Variants in SMG1 observed in about 807,000 individuals in gnomAD.
SMG1 encodes the protein serine/threonine-protein kinase SMG1.
SMG1 carries 22 observed loss-of-function variants against 419.9 expected under a neutral mutation model. The observed-to-expected ratio is 0.05, with a 90% CI of 0.04 to 0.07. SMG1 has a LOEUF of 0.07. SMG1 is among the 10% of genes least tolerant of loss of function. SMG1 has a pLI of 1.00. For synonymous variants in SMG1, 1,538 were observed against 1,553.5 expected, an observed-to-expected ratio of 0.99 and a Z score of 0.23; for missense variants, 3,185 against 4,342.0, an observed-to-expected ratio of 0.73 and a Z score of 7.49.
intron 6 of SMG1, among the ~76,000 whole-genome samples, 158 bp downstream of exon 6, chr16:18,889,214 T>C (rs1290061747): frequency 3.3e-5 from 5 of 151,970 alleles, no homozygotes; most frequent in African/African-American, 9.7e-5. Flanking sequence ...AGTGTATCCT[T>C]TACTCAAACT....
chr16:18,856,333 T>C (rs2034903960), intron 29 of SMG1: 2 of 83,100 alleles, frequency 2.4e-5, no homozygotes, highest in Non-Finnish European at 5.0e-5. Context: ...CAGGTGATTT[T>C]TTTTTTTTTT....
intron 8 of SMG1, among the ~76,000 whole-genome samples, chr16:18,884,553 G>A (rs1281076239): frequency 1.3e-5 from 2 of 152,094 alleles, no homozygotes; most frequent in South Asian, 2.1e-4. Flanking sequence ...AATGAAACAG[G>A]CCACTATCAC....
intron 56 of SMG1, among the ~76,000 whole-genome samples, chr16:18,818,071 G>A (rs543475081): frequency 1.7e-5 from 2 of 118,354 alleles, no homozygotes; most frequent in Non-Finnish European, 3.4e-5. Flanking sequence ...GTGCCACCAT[G>A]CCTAGCTAAA....
intron 51 of SMG1, among the ~76,000 whole-genome samples, chr16:18,832,406 A>C (rs1470092069): frequency 2.0e-5 from 3 of 152,224 alleles, no homozygotes; most frequent in Non-Finnish European, 4.4e-5. Flanking sequence ...AACTAATTTA[A>C]AAGTATTCAC....
chr16:18,849,116 C>T, intron 36 of SMG1, 101 bp downstream of exon 36: 2 of 284,436 alleles, frequency 7.0e-6, no homozygotes, highest in Non-Finnish European at 1.2e-5. Context: ...ACCCTACAAA[C>T]TCTAACAACT....
intron 60 of SMG1, among the ~76,000 whole-genome samples, chr16:18,812,861 T>A (rs1484567253): frequency 6.6e-6 from 1 of 152,076 alleles, no homozygotes; most frequent in Non-Finnish European, 1.5e-5. Flanking sequence ...GATGTTCCCC[T>A]TCCTGTGTCC....
chr16:18,898,714 A>C (rs934391123), intron 1 of SMG1, among the ~76,000 whole-genome samples: 10 of 152,316 alleles, frequency 6.6e-5, no homozygotes, highest in Admixed American at 2.0e-4. Flanking sequence ...ACAAAGATAA[A>C]TGGAGTCTGC....
rs1439358551 is a variant in SMG1 at position 18,815,167 on chromosome 16, TCTC to T, written c.10621+5_10621+7del. On this transcript the variant is annotated splice_donor_5th_base_variant and intron_variant, in intron 60 of 62. Transcript: ENST00000446231. ...ACAACAGATCAAGACTCAGGACTCT[TCTC>T]CTACCTGCAGCGAAGGATGGCTGAT... 1 of 1,557,870 alleles carries T rather than the reference TCTC, an allele frequency of 6.4e-7. No homozygotes were observed. The highest frequency in any genetic ancestry group is 8.7e-7 in the Non-Finnish European group (1 of 1,143,912).
chr16:18,816,363 A>G lies in SMG1; in HGVS notation c.10241T>C (p.Val3414Ala), dbSNP rs185146271. The G allele has an allele frequency of 2.4e-5, 39 of 1,613,970 alleles. No individual in the cohort carries two copies. The Admixed American group carries it at 6.0e-4, about 25-fold the overall frequency. ...AAGCTGTCGGTTATGACCAGTGAGC[A>G]CAGTCTTTATATTATCAACCAGATT... ...IQNLVDNIKT[V>A]LTGHNRQLGD... is the part of the protein sequence containing the mutation. The change falls in exon 58 of 63, where the codon GTG (valine) becomes GCG (alanine). Residue 3414 changes from valine to alanine, a missense_variant. This residue lies in a region of SMG1 where 737 missense variants were observed against 846.6 expected (regional missense o/e 0.87). Coordinates refer to ENST00000446231, the MANE Select transcript of SMG1 (RefSeq NM_015092.5).
chr16:18,820,783 A>G (rs2032458814), intron 55 of SMG1, among the ~76,000 whole-genome samples: 1 of 152,168 alleles, frequency 6.6e-6, no homozygotes, highest in Non-Finnish European at 1.5e-5. Flanking sequence ...CTTCATTAAA[A>G]AACTTTTAAA....
In SMG1 at chr16:18,837,245, T is replaced by C. The variant is rs2141266206; in HGVS notation, c.7604+8A>G. On this transcript the variant is annotated splice_region_variant and intron_variant, in intron 46 of 62. Coordinates refer to ENST00000446231, the MANE Select transcript of SMG1 (RefSeq NM_015092.5). ...ACATATTTAGAAGAATTCAACACTGTTTTAAACCTGTGTTGCAGAGTATGA... is the reference window on the plus strand; with the variant it reads ...ACATATTTAGAAGAATTCAACACTGCTTTAAACCTGTGTTGCAGAGTATGA... 1 of 1,607,770 alleles carries C rather than the reference T, an allele frequency of 6.2e-7. No individual in the cohort carries two copies. Among genetic ancestry groups the C allele is most frequent in the Middle Eastern group, 1.7e-4 (1 of 6,034 alleles).
chr16:18,830,101 T>C lies in SMG1; in HGVS notation c.8958A>G (p.Glu2986=), dbSNP rs1241474186. Residue 2986 remains glutamate (E), a synonymous_variant, in exon 53 of 63, where the codon GAA becomes GAG. Transcript: ENST00000446231. ...SLLVEKLNKM[E]IPIAWRKIDI... ...CAATCTTTCGCCAAGCTATGGGAAT[T>C]TCCATCTTGTTCAACTATGTAAATG... 5 of 1,602,248 alleles carry C rather than the reference T, an allele frequency of 3.1e-6. No homozygotes were observed. The highest frequency in any genetic ancestry group is 4.3e-6 in the Non-Finnish European group (5 of 1,174,192).
intron 1 of SMG1, among the ~76,000 whole-genome samples, chr16:18,914,753 G>A (rs2037907769): frequency 6.6e-6 from 1 of 152,090 alleles, no homozygotes; most frequent in African/African-American, 2.4e-5. Flanking sequence ...CAAGAAGTGT[G>A]TTTCCCCAGG....
intron 12 of SMG1, among the ~76,000 whole-genome samples, chr16:18,876,925 G>A (rs141299443): frequency 0.012 from 1,881 of 152,098 alleles, 47 homozygotes; most frequent in African/African-American, 0.043. Context: ...TGCATAGTCT[G>A]AAAAGAGTAT....
chr16:18,841,553 G>A lies in SMG1; in HGVS notation c.6696+12C>T. ...GAATAGACTAATACACTGTGTAGAT[G>A]ATTTAATCAACCTTTTGTGCTTGTA... On this transcript the variant is annotated intron_variant, in intron 41 of 62. Coordinates refer to ENST00000446231, the MANE Select transcript of SMG1 (RefSeq NM_015092.5). The A allele has an allele frequency of 1.2e-6, 2 of 1,607,568 alleles. No individual in the cohort carries two copies. The highest frequency in any genetic ancestry group is 1.7e-6 in the Non-Finnish European group (2 of 1,175,090).
At chr16:18,920,814 T>C (rs1341037925) in intron 1 of SMG1, among the ~76,000 whole-genome samples, 1 of 151,650 alleles carries the variant, frequency 6.6e-6, no homozygotes, top group African/African-American at 2.4e-5. Flanking sequence ...CACTCCAACC[T>C]GAGCAATGGA....
intron 62 of SMG1, among the ~76,000 whole-genome samples, chr16:18,810,712 C>G (rs1596449847): frequency 6.6e-6 from 1 of 152,116 alleles, no homozygotes; most frequent in African/African-American, 2.4e-5. Context: ...TTGGAGAAAT[C>G]TGAATGTGGA....
chr16:18,814,218 A>G (rs1228504029), intron 60 of SMG1, among the ~76,000 whole-genome samples: 2 of 152,080 alleles, frequency 1.3e-5, no homozygotes, highest in Non-Finnish European at 2.9e-5. Flanking sequence ...GTGTTTGTGT[A>G]TGTGTACATA....
intron 1 of SMG1, among the ~76,000 whole-genome samples, chr16:18,919,137 G>A (rs992466152): frequency 6.6e-6 from 1 of 151,998 alleles, no homozygotes; most frequent in African/African-American, 2.4e-5. Flanking sequence ...GACCAGCCTG[G>A]TCGACATGGT....
Sources: gnomAD v4.1 joint callset for allele counts (sites outside exome capture counted in the v4.1 genomes callset) on GRCh38, gnomAD v4.1.1 for gene constraint, gnomAD v4.1.1 regional missense constraint, MANE v1.5 for transcripts, NCBI Gene and HGNC (gene_info 2026-07-23, HGNC 2026-07-21) for gene names.